INSL6: variants seen among roughly 807,000 people sequenced by gnomAD.
The protein encoded by INSL6 is insulin like 6, also known as insulin-like peptide INSL6.
In INSL6, 16 loss-of-function variants were observed where a neutral mutation model predicts 9.4. The observed-to-expected ratio is 1.70, with a 90% CI of 1.15 to 2.59. The LOEUF (loss-of-function observed/expected upper bound fraction) is 2.59, where lower values mean the gene tolerates loss of function less well. Ranked by LOEUF, INSL6 falls within the 30% of genes most tolerant of loss-of-function variation. The pLI is 0.00. For missense variants in INSL6, 391 were observed against 257.3 expected (o/e 1.52, Z -3.56); for synonymous variants, 154 against 96.9 (o/e 1.59, Z -3.46).
At chr9:5,048,617 A>C in the INSL6 span, among the ~76,000 whole-genome samples, 9 of 152,014 alleles carry the variant, frequency 5.9e-5, no homozygotes, top group Admixed American at 5.2e-4. Context: ...TGTATTAGCA[A>C]CGTTTAGGCC....
intron 3 of INSL6, among the ~76,000 whole-genome samples, chr9:5,129,223 T>C (rs1824189911): frequency 6.6e-6 from 1 of 152,114 alleles, no homozygotes; most frequent in Non-Finnish European, 1.5e-5. Context: ...GCTCACTTTA[T>C]TGAGCCTATG....
At chr9:5,171,364 C>T (rs916548641) in intron 1 of INSL6, among the ~76,000 whole-genome samples, 1 of 152,084 alleles carries the variant, frequency 6.6e-6, no homozygotes. Flanking sequence ...TATGACAAAC[C>T]CACGGCCAAA....
the INSL6 span, among the ~76,000 whole-genome samples, chr9:5,043,050 G>A: frequency 0.012 from 1,877 of 152,328 alleles, 23 homozygotes; most frequent in Non-Finnish European, 0.02. Context: ...AGGCGCGCGG[G>A]CTCGTGGCTT....
the INSL6 span, among the ~76,000 whole-genome samples, chr9:5,082,131 G>T: frequency 6.6e-6 from 1 of 152,108 alleles, no homozygotes; most frequent in African/African-American, 2.4e-5. Flanking sequence ...AAAGTATAGA[G>T]AAAGAAAAGT....
the INSL6 span, among the ~76,000 whole-genome samples, chr9:5,048,323 A>C: frequency 6.6e-6 from 1 of 151,796 alleles, no homozygotes; most frequent in Non-Finnish European, 1.5e-5. Flanking sequence ...TTGTATTTTT[A>C]GTAGAGATGG....
At chr9:5,164,916 T>C (rs544638293) in intron 1 of INSL6, among the ~76,000 whole-genome samples, 1 of 152,350 alleles carries the variant, frequency 6.6e-6, no homozygotes, top group South Asian at 2.1e-4. Flanking sequence ...TCATTATGAA[T>C]AGTGCTGATG....
intron 1 of INSL6, among the ~76,000 whole-genome samples, chr9:5,181,328 G>A (rs766106817): frequency 1.3e-5 from 2 of 151,684 alleles, no homozygotes; most frequent in Non-Finnish European, 2.9e-5. Context: ...ACGATAAAAG[G>A]CCAAATAAAT....
chr9:5,146,821 C>T (rs1824608717), intron 2 of INSL6, among the ~76,000 whole-genome samples: 1 of 152,156 alleles, frequency 6.6e-6, no homozygotes, highest in Admixed American at 6.5e-5. Context: ...TGGTACACAG[C>T]CATAGGGGCT....
the INSL6 span, among the ~76,000 whole-genome samples, chr9:5,015,417 G>A: frequency 2.0e-5 from 3 of 152,300 alleles, no homozygotes; most frequent in South Asian, 4.1e-4. Flanking sequence ...TTTTCATTGA[G>A]TTGACATATG....
At chr9:5,060,347 C>G in the INSL6 span, among the ~76,000 whole-genome samples, 1 of 152,184 alleles carries the variant, frequency 6.6e-6, no homozygotes, top group Non-Finnish European at 1.5e-5. Context: ...AAAGTTGTCT[C>G]TGTAGCATGT....
chr9:5,051,552 A>G, the INSL6 span, among the ~76,000 whole-genome samples: 11 of 152,188 alleles, frequency 7.2e-5, no homozygotes, highest in Admixed American at 3.3e-4. Flanking sequence ...TCTTATACAA[A>G]TGGTCCAAAC....
chr9:5,097,845 T>TA, the INSL6 span: 1 of 152,238 alleles, frequency 6.6e-6, no homozygotes, highest in African/African-American at 2.4e-5. Context: ...GCTTTACCAC[T>TA]GGTTCCCCCA....
At chr9:5,117,659 T>C in the INSL6 span, among the ~76,000 whole-genome samples, 2 of 143,116 alleles carry the variant, frequency 1.4e-5, no homozygotes, top group African/African-American at 5.3e-5. Flanking sequence ...GTAATGGTTT[T>C]ATCTTAAATA....
chr9:5,109,282 G>A, the INSL6 span: 3 of 151,962 alleles, frequency 2.0e-5, no homozygotes, highest in African/African-American at 7.3e-5. Context: ...ATTATTATGG[G>A]CTTTACATGC....
chr9:5,065,950 C>G, the INSL6 span, among the ~76,000 whole-genome samples: 1 of 152,146 alleles, frequency 6.6e-6, no homozygotes, highest in Admixed American at 6.5e-5. Context: ...AGTTGTACTA[C>G]TTGAACTTTA....
chr9:5,075,889 G>A, the INSL6 span, among the ~76,000 whole-genome samples: 2 of 152,168 alleles, frequency 1.3e-5, no homozygotes, highest in African/African-American at 4.8e-5. Flanking sequence ...CATTCTAGAT[G>A]CCAGGAATAG....
intron 3 of INSL6, among the ~76,000 whole-genome samples, chr9:5,128,953 T>C (rs1053437298): frequency 6.6e-6 from 1 of 152,022 alleles, no homozygotes; most frequent in African/African-American, 2.4e-5. Flanking sequence ...AATCTTTATA[T>C]AAATGACTTT....
intron 1 of INSL6, among the ~76,000 whole-genome samples, chr9:5,180,280 TG>T (rs1214898597): frequency 1.3e-5 from 2 of 152,214 alleles, no homozygotes; most frequent in Non-Finnish European, 2.9e-5. Flanking sequence ...ACAAATTGAT[TG>T]TAAAACGTGT....
chr9:5,075,629 A>C, the INSL6 span, among the ~76,000 whole-genome samples: 2 of 152,204 alleles, frequency 1.3e-5, no homozygotes, highest in Admixed American at 1.3e-4. Flanking sequence ...GATTGCTTTC[A>C]AAGTATTACT....
Sources: gnomAD v4.1 joint callset for allele counts (sites outside exome capture counted in the v4.1 genomes callset) on GRCh38, gnomAD v4.1.1 for gene constraint, MANE v1.5 for transcripts, NCBI Gene and HGNC (gene_info 2026-07-23, HGNC 2026-07-21) for gene names.